AGO2: variants seen among roughly 807,000 people sequenced by gnomAD.
AGO2 encodes argonaute RISC catalytic component 2, also known as protein argonaute-2.
A neutral mutation model predicts 102.3 loss-of-function variants in AGO2; 5 were observed. The observed-to-expected ratio is 0.05, with a 90% CI of 0.03 to 0.10. The LOEUF (loss-of-function observed/expected upper bound fraction) is 0.10. AGO2 is among the 10% of genes least tolerant of loss of function. The pLI is 1.00. For synonymous variants in AGO2, 449 were observed against 473.1 expected (o/e 0.95, Z 0.66); for missense variants, 541 against 1,183.7 (o/e 0.46, Z 7.97).
At position 140,520,162 on chromosome 8, in the gene AGO2, T is replaced by C. The variant is rs2072391695; in HGVS notation, c.*11882A>G. On this transcript the variant is annotated 3_prime_UTR_variant, in exon 19 of 19. Coordinates refer to ENST00000220592, the MANE Select transcript of AGO2 (RefSeq NM_012154.5). ...GATTTTTGGAAGAGGCAGCTGTAAA[T>C]AGGAGGACTTTTATTTAATTTTTTG... 1 of 152,148 alleles carries C rather than the reference T, an allele frequency of 6.6e-6. No homozygotes were observed. The allele number at this position is 152,148 out of a possible 1,614,324, so 9.4% of individuals were successfully genotyped here.
At chr8:140,549,652 C>A (rs1198798847) in intron 11 of AGO2, among the ~76,000 whole-genome samples, 1 of 152,272 alleles carries the variant, frequency 6.6e-6, no homozygotes, top group East Asian at 1.9e-4. Context: ...CGTAAAGCTG[C>A]TGAGCAGCGC....
intron 3 of AGO2, among the ~76,000 whole-genome samples, chr8:140,570,187 G>A (rs979442092): frequency 8.7e-4 from 133 of 152,208 alleles, no homozygotes; most frequent in African/African-American, 3.1e-3. Context: ...CAGTGGCTTT[G>A]AGTAGGTTCT....
intron 11 of AGO2, among the ~76,000 whole-genome samples, chr8:140,550,413 G>C (rs1588447899): frequency 1.3e-5 from 2 of 152,208 alleles, no homozygotes; most frequent in South Asian, 4.1e-4. Flanking sequence ...CGCTGGGCCC[G>C]TACCTGGCAC....
intron 13 of AGO2, among the ~76,000 whole-genome samples, chr8:140,546,167 C>G (rs1309986614): frequency 6.6e-6 from 1 of 152,336 alleles, no homozygotes; most frequent in African/African-American, 2.4e-5. Context: ...TTCGCTCATT[C>G]CCATGAACCT....
chr8:140,535,030 C>T (rs899182315), intron 17 of AGO2, among the ~76,000 whole-genome samples: 21 of 152,232 alleles, frequency 1.4e-4, no homozygotes, highest in African/African-American at 5.1e-4. Context: ...CCAGTGATTG[C>T]GCGAGGGGAC....
chr8:140,602,911 C>A (rs1423563124), intron 1 of AGO2, among the ~76,000 whole-genome samples: 2 of 152,192 alleles, frequency 1.3e-5, no homozygotes, highest in African/African-American at 4.8e-5. Flanking sequence ...CAGTTTAAAA[C>A]AAATCGAAAT....
At chr8:140,533,815 AAAC>A (rs1356097604) in intron 17 of AGO2, among the ~76,000 whole-genome samples, 5 of 152,130 alleles carry the variant, frequency 3.3e-5, no homozygotes, top group African/African-American at 7.2e-5. Flanking sequence ...TAAAAAAAAA[AAAC>A]AACAACAAAA....
upstream of AGO2, among the ~76,000 whole-genome samples, chr8:140,638,577 A>G (rs576995113): frequency 3.9e-5 from 6 of 152,304 alleles, no homozygotes; most frequent in South Asian, 2.1e-4. Flanking sequence ...CTAATAGTCT[A>G]TGATTCTTTG....
At chr8:140,548,090 C>T (rs950326966) in intron 12 of AGO2, among the ~76,000 whole-genome samples, 71 of 152,098 alleles carry the variant, frequency 4.7e-4, no homozygotes, top group Admixed American at 9.8e-4. Context: ...CCATGGCGGG[C>T]GGATCAGCTG....
At chr8:140,630,293 C>G (rs918170863) in intron 1 of AGO2, among the ~76,000 whole-genome samples, 1 of 152,228 alleles carries the variant, frequency 6.6e-6, no homozygotes, top group African/African-American at 2.4e-5. Context: ...GTCTGCCTTT[C>G]GTACCAGGGA....
intron 1 of AGO2, among the ~76,000 whole-genome samples, chr8:140,624,376 G>A (rs1056375319): frequency 1.3e-5 from 2 of 152,224 alleles, no homozygotes; most frequent in Non-Finnish European, 2.9e-5. Flanking sequence ...CAGAGCCGGC[G>A]TGCGTGGCAG....
chr8:140,546,434 A>T (rs2072902355), intron 13 of AGO2, among the ~76,000 whole-genome samples: 1 of 152,212 alleles, frequency 6.6e-6, no homozygotes, highest in South Asian at 2.1e-4. Context: ...GGGGTTCAAG[A>T]GCTGCTCAGG....
the AGO2 span, among the ~76,000 whole-genome samples, chr8:140,640,884 G>A: frequency 6.6e-6 from 1 of 152,294 alleles, no homozygotes; most frequent in East Asian, 1.9e-4. Flanking sequence ...GCCACAAATT[G>A]TTTAAGGTCA....
chr8:140,620,150 G>C (rs992896779), intron 1 of AGO2, among the ~76,000 whole-genome samples: 1 of 152,224 alleles, frequency 6.6e-6, no homozygotes, highest in Non-Finnish European at 1.5e-5. Context: ...TCAGGAGGAA[G>C]AGGGGCCTTC....
At chr8:140,559,630 G>A in intron 5 of AGO2, 101 bp from the exon 6 acceptor site, 2 of 1,489,366 alleles carry the variant, frequency 1.3e-6, no homozygotes, top group Non-Finnish European at 1.8e-6. Flanking sequence ...AGCCATGGTG[G>A]GGACACCCGG....
chr8:140,585,300 G>T lies in AGO2; in HGVS notation c.34C>A (p.Pro12Thr), dbSNP rs2073637636. ...CCTTGGATGGGGGGCGGCGGCGCAG[G>T]AGGTGCAAGTGCTGGAATGGCAGAG... ...YSGAGPALAP[P>T]APPPPIQGYA... is the part of the protein sequence containing the mutation. Residue 12 changes from proline (P) to threonine (T), a missense_variant, in exon 2 of 19, where the codon CCT becomes ACT. Around this residue, in one of 6 missense-constraint regions of AGO2, gnomAD observed 147 missense variants for 204.1 expected, o/e 0.72. Coordinates refer to ENST00000220592, the MANE Select transcript of AGO2 (RefSeq NM_012154.5). 6.2e-7 allele frequency: 1 copy of T among 1,613,806 alleles called. No homozygotes were observed. The highest frequency in any genetic ancestry group is 1.3e-5 in the African/African-American group (1 of 74,930).
chr8:140,586,803 C>T (rs539419036), intron 1 of AGO2, among the ~76,000 whole-genome samples: 14 of 152,280 alleles, frequency 9.2e-5, no homozygotes, highest in East Asian at 1.9e-4. Context: ...CCCAGTGAGA[C>T]GGCTCCCAGG....
At chr8:140,569,817 G>C (rs1049446996) in intron 3 of AGO2, among the ~76,000 whole-genome samples, 1 of 152,200 alleles carries the variant, frequency 6.6e-6, no homozygotes, top group African/African-American at 2.4e-5. Context: ...ATGAAGGCAG[G>C]CAGGCTAACA....
At chr8:140,629,908 G>T (rs1374738103) in intron 1 of AGO2, among the ~76,000 whole-genome samples, 1 of 143,610 alleles carries the variant, frequency 7.0e-6, no homozygotes. Flanking sequence ...GAGGGGAGCG[G>T]AGGCGAGGGG....
Sources: allele counts gnomAD v4.1 joint callset (sites outside exome capture counted in the v4.1 genomes callset), GRCh38; gene constraint gnomAD v4.1.1; regional missense constraint gnomAD v4.1.1; transcripts MANE v1.5; gene names NCBI Gene and HGNC (gene_info 2026-07-23, HGNC 2026-07-21).